RANBP2: variants seen among roughly 807,000 people sequenced by gnomAD.
The protein encoded by RANBP2 is RAN binding protein 2.
Under a neutral mutation model 303.6 loss-of-function variants are expected in RANBP2, and 57 were observed. The observed-to-expected ratio is 0.19, with a 90% CI of 0.15 to 0.23. The LOEUF is 0.23. RANBP2 is among the 10% of genes least tolerant of loss of function. RANBP2 has a pLI of 1.00. For synonymous variants in RANBP2, 1,167 were observed against 1,301.5 expected, an observed-to-expected ratio of 0.90 and a Z score of 2.23; for missense variants, 3,138 against 3,780.8, an observed-to-expected ratio of 0.83 and a Z score of 4.46.
At chr2:109,135,469 A>G in the RANBP2 span, among the ~76,000 whole-genome samples, 6 of 152,198 alleles carry the variant, frequency 3.9e-5, no homozygotes, top group African/African-American at 9.7e-5. Context: ...TCTTAGATAA[A>G]TAGGATAACG....
the RANBP2 span, among the ~76,000 whole-genome samples, chr2:109,131,702 G>A: frequency 6.6e-6 from 1 of 152,114 alleles, no homozygotes; most frequent in Non-Finnish European, 1.5e-5. Flanking sequence ...CTTGTCAAAG[G>A]GGTTGAAGCT....
chr2:108,963,278 T>C, the RANBP2 span, among the ~76,000 whole-genome samples: 1 of 152,202 alleles, frequency 6.6e-6, no homozygotes, highest in Admixed American at 6.5e-5. Flanking sequence ...GATCACGCAC[T>C]ACACACTGTT....
the RANBP2 span, among the ~76,000 whole-genome samples, chr2:109,297,825 C>T: frequency 6.6e-6 from 1 of 152,136 alleles, no homozygotes; most frequent in Non-Finnish European, 1.5e-5. Flanking sequence ...GTGCTCCTCA[C>T]CAGGACAGTG....
the RANBP2 span, chr2:109,501,483 C>G: frequency 1.3e-6 from 1 of 772,060 alleles, no homozygotes; most frequent in Admixed American, 1.7e-5. Context: ...TGGGGCTCAC[C>G]CACTGTGCTG....
chr2:109,618,342 T>A, the RANBP2 span: 1 of 167,022 alleles, frequency 6.0e-6, no homozygotes, highest in Non-Finnish European at 1.5e-5. Flanking sequence ...ATCAGAAGGT[T>A]CTGGTCAACA....
At chr2:108,823,382 C>T in the RANBP2 span, among the ~76,000 whole-genome samples, 2 of 152,146 alleles carry the variant, frequency 1.3e-5, no homozygotes, top group African/African-American at 4.8e-5. Flanking sequence ...CAAAAATCCT[C>T]AACAAAATAG....
chr2:109,344,579 T>G, the RANBP2 span, among the ~76,000 whole-genome samples: 2 of 152,172 alleles, frequency 1.3e-5, no homozygotes, highest in African/African-American at 4.8e-5. Context: ...GCCCTGCATT[T>G]GGGCATCCAG....
chr2:109,715,630 G>A, the RANBP2 span, among the ~76,000 whole-genome samples: 2 of 152,148 alleles, frequency 1.3e-5, no homozygotes, highest in Non-Finnish European at 2.9e-5. Context: ...GTTCCTTTGG[G>A]TTTTTATGTA....
At chr2:109,678,118 C>T in the RANBP2 span, among the ~76,000 whole-genome samples, 1 of 152,244 alleles carries the variant, frequency 6.6e-6, no homozygotes, top group Non-Finnish European at 1.5e-5. Flanking sequence ...CCCACTGTTC[C>T]ATCACTCAGA....
chr2:109,040,394 C>T, the RANBP2 span, among the ~76,000 whole-genome samples: 12 of 152,148 alleles, frequency 7.9e-5, no homozygotes, highest in African/African-American at 2.7e-4. Flanking sequence ...ATAAACTCTC[C>T]CACCTTGTTC....
chr2:109,386,605 G>C, the RANBP2 span, among the ~76,000 whole-genome samples: 1 of 152,088 alleles, frequency 6.6e-6, no homozygotes, highest in Non-Finnish European at 1.5e-5. Context: ...CTTCCCTTCT[G>C]TTTGGGCCCG....
chr2:108,946,858 C>G, the RANBP2 span, among the ~76,000 whole-genome samples: 3 of 151,750 alleles, frequency 2.0e-5, no homozygotes, highest in Non-Finnish European at 4.4e-5. Flanking sequence ...GACACAGAGC[C>G]AAACCTTATT....
chr2:109,462,188 A>G, the RANBP2 span, among the ~76,000 whole-genome samples: 1 of 149,810 alleles, frequency 6.7e-6, no homozygotes, highest in African/African-American at 2.5e-5. Context: ...GCCATCTCGT[A>G]TGACATCTTG....
At chr2:109,647,442 G>T in the RANBP2 span, among the ~76,000 whole-genome samples, 2 of 147,220 alleles carry the variant, frequency 1.4e-5, no homozygotes, top group Non-Finnish European at 3.0e-5. Context: ...GATTACAGGC[G>T]TGAGCCACCA....
At chr2:109,562,649 G>C in the RANBP2 span, among the ~76,000 whole-genome samples, 1 of 152,096 alleles carries the variant, frequency 6.6e-6, no homozygotes, top group African/African-American at 2.4e-5. Flanking sequence ...TCTCCTCAGA[G>C]AGGACTTCAA....
chr2:108,960,020 A>G, the RANBP2 span, among the ~76,000 whole-genome samples: 1 of 152,194 alleles, frequency 6.6e-6, no homozygotes, highest in Non-Finnish European at 1.5e-5. Context: ...ATGATGCACT[A>G]ACGTGGCCAC....
chr2:109,078,055 C>T, the RANBP2 span, among the ~76,000 whole-genome samples: 3 of 117,178 alleles, frequency 2.6e-5, no homozygotes, highest in Non-Finnish European at 5.1e-5. Flanking sequence ...ATGGAAACAA[C>T]CTAACTGTCC....
At chr2:108,854,368 G>C in the RANBP2 span, among the ~76,000 whole-genome samples, 1 of 151,336 alleles carries the variant, frequency 6.6e-6, no homozygotes, top group Admixed American at 6.6e-5. Context: ...TTCACTACTA[G>C]CTGTGTGGTA....
At chr2:109,062,810 G>A in the RANBP2 span, among the ~76,000 whole-genome samples, 50 of 151,590 alleles carry the variant, frequency 3.3e-4, no homozygotes, top group East Asian at 1.9e-3. Flanking sequence ...GGGTGGGGGT[G>A]CTGGGATGGT....
Sources: allele counts gnomAD v4.1 joint callset (sites outside exome capture counted in the v4.1 genomes callset), GRCh38; gene constraint gnomAD v4.1.1; transcripts MANE v1.5; gene names NCBI Gene and HGNC (gene_info 2026-07-23, HGNC 2026-07-21).